The following ADAMTS2 variants were observed in gnomAD, a reference collection of about 807,000 sequenced individuals.
ADAMTS2 encodes the protein ADAM metallopeptidase with thrombospondin type 1 motif 2.
Under a neutral mutation model 123.0 loss-of-function variants are expected in ADAMTS2, and 50 were observed. The observed-to-expected ratio is 0.41, with a 90% confidence interval of 0.32 to 0.51. The LOEUF is 0.51. ADAMTS2 is among the 20% of genes least tolerant of loss of function. The probability of loss-of-function intolerance (pLI) is 0.35; values close to 1 mark genes in which losing one functional copy is unlikely to be tolerated. For missense variants in ADAMTS2, 1,494 were observed against 1,705.2 expected (o/e 0.88, Z 2.18); for synonymous variants, 678 against 695.4 (o/e 0.98, Z 0.39).
In ADAMTS2 at chr5:179,189,760, C is replaced by T. The variant is rs1764261787; in HGVS notation, c.892-8605G>A. ...CTTAAGGTAGGGGGGGACAATATTA[C>T]AAAGTATCTTCTTAAGGATGGGGGT... is the stretch of plus-strand genomic sequence containing the variant. On this transcript the variant is annotated intron_variant, in intron 4 of 21. Transcript: ENST00000251582. This position sits in a 1 kb window ranked among gnomAD's most constrained non-coding sequence, Gnocchi z 4.2. 7.0e-6 allele frequency among the ~76,000 whole-genome samples: 1 copy of T among 142,098 alleles called. No individual in the cohort carries two copies. 93.2% of individuals were successfully genotyped at this position (142,098 alleles called of 152,430 possible).
chr5:179,132,331 C>T lies in ADAMTS2; in HGVS notation c.2210-21G>A, dbSNP rs1762979348. ...GTAACCTTTTTTTGATGTGGAAAGA[C>T]ACAGAAAACTGAGAAGGGAAGGCGC... On this transcript the variant is annotated intron_variant, in intron 14 of 21. Coordinates refer to ENST00000251582, the MANE Select transcript of ADAMTS2 (RefSeq NM_014244.5). The surrounding 1 kb of genome is among the most constrained non-coding windows in gnomAD (Gnocchi z 6.1). The T allele has an allele frequency of 6.2e-7, 1 of 1,612,128 alleles. No homozygotes were observed. Among genetic ancestry groups the T allele is most frequent in the African/African-American group, 1.3e-5 (1 of 75,018 alleles).
intron 3 of ADAMTS2, among the ~76,000 whole-genome samples, chr5:179,268,669 G>A (rs1766439724): frequency 6.6e-6 from 1 of 152,216 alleles, no homozygotes; most frequent in Non-Finnish European, 1.5e-5. Context: ...GCTGAGACTG[G>A]CACTTAGACA....
At position 179,317,752 on chromosome 5, in the gene ADAMTS2, G is replaced by C. The variant is rs1051469264; in HGVS notation, c.534+26015C>G. 6.6e-6 allele frequency among the ~76,000 whole-genome samples: 1 copy of C among 152,234 alleles called. No individual in the cohort carries two copies. Among genetic ancestry groups the C allele is most frequent in the Non-Finnish European group, 1.5e-5 (1 of 68,038 alleles). On this transcript the variant is annotated intron_variant, in intron 2 of 21. Transcript: ENST00000251582. The surrounding 1 kb of genome is among the most constrained non-coding windows in gnomAD (Gnocchi z 4.9). The stretch of plus-strand genomic sequence containing the variant: ...TTCAGCACGCGTCTAGGGGAGGTTA[G>C]CGTGCCAGCACCAGCTGAGACTCCC...
chr5:179,326,201 C>CGTGCGT (rs371716178), intron 2 of ADAMTS2, among the ~76,000 whole-genome samples: 1 of 148,594 alleles, frequency 6.7e-6, no homozygotes, highest in Non-Finnish European at 1.5e-5. Flanking sequence ...TTTGTGTGTG[C>CGTGCGT]GTGTGTGTGT....
intron 2 of ADAMTS2, among the ~76,000 whole-genome samples, chr5:179,283,144 C>T (rs754833885): frequency 4.6e-5 from 7 of 151,690 alleles, no homozygotes; most frequent in East Asian, 1.9e-4. Flanking sequence ...AATCACAGGT[C>T]GAAATAGCGG....
chr5:179,158,581 C>G lies in ADAMTS2; in HGVS notation c.1132+142G>C. 9.3e-7 allele frequency: 1 copy of G among 1,077,464 alleles called. No individual in the cohort carries two copies. Among genetic ancestry groups the G allele is most frequent in the South Asian group, 1.3e-5 (1 of 76,400 alleles). The allele number at this position is 1,077,464 out of a possible 1,614,324, so 66.7% of individuals were successfully genotyped here. A position where few individuals can be genotyped will look rare whatever the true frequency, so the allele number is the denominator to read the frequency against. ...TTGTCCATCAGTGCACTGCCCCACA[C>G]CCTCACCCAGCTAAGGTGGCCACGG... On this transcript the variant is annotated intron_variant, in intron 6 of 21. Coordinates refer to ENST00000251582, the MANE Select transcript of ADAMTS2 (RefSeq NM_014244.5). The surrounding 1 kb of genome is among the most constrained non-coding windows in gnomAD (Gnocchi z 5.0).
chr5:179,313,075 A>G (rs1756875981), intron 2 of ADAMTS2, among the ~76,000 whole-genome samples: 1 of 152,218 alleles, frequency 6.6e-6, no homozygotes, highest in Non-Finnish European at 1.5e-5. Context: ...AACCCGATAC[A>G]TCAAGAAACA....
intron 10 of ADAMTS2, among the ~76,000 whole-genome samples, chr5:179,145,688 T>C (rs912861189): frequency 3.3e-5 from 5 of 152,132 alleles, no homozygotes; most frequent in Admixed American, 6.6e-5. Flanking sequence ...GATGAGTGGC[T>C]ACGAGTGGCT....
At chr5:179,203,107 G>A (rs1764604218) in intron 4 of ADAMTS2, among the ~76,000 whole-genome samples, 1 of 152,210 alleles carries the variant, frequency 6.6e-6, no homozygotes, top group Admixed American at 6.5e-5. Flanking sequence ...GCAGTGCAGG[G>A]CTGCCAGGGT....
intron 1 of ADAMTS2, among the ~76,000 whole-genome samples, chr5:179,344,983 C>T (rs1036172876): frequency 5.9e-5 from 9 of 152,228 alleles, no homozygotes; most frequent in Admixed American, 2.6e-4. Context: ...TGCTCCGAGG[C>T]TCCCCCGGCC....
At chr5:179,340,938 T>C (rs1354396333) in intron 2 of ADAMTS2, among the ~76,000 whole-genome samples, 1 of 152,222 alleles carries the variant, frequency 6.6e-6, no homozygotes, top group Non-Finnish European at 1.5e-5. Flanking sequence ...CACCACTCTG[T>C]GCAGCCTGTT....
chr5:179,305,633 G>T (rs1756646617), intron 2 of ADAMTS2, among the ~76,000 whole-genome samples: 1 of 152,064 alleles, frequency 6.6e-6, no homozygotes, highest in Non-Finnish European at 1.5e-5. Flanking sequence ...GAAATGATAA[G>T]AGTAAAAATC....
chr5:179,176,251 G>A (rs1208256157), intron 5 of ADAMTS2, among the ~76,000 whole-genome samples: 1 of 152,120 alleles, frequency 6.6e-6, no homozygotes, highest in Non-Finnish European at 1.5e-5. Context: ...CTACGGGGCC[G>A]TCACGCCCTT....
chr5:179,122,548 C>T, intron 20 of ADAMTS2, 96 bp downstream of exon 20: 3 of 1,497,670 alleles, frequency 2.0e-6, no homozygotes, highest in Non-Finnish European at 2.7e-6. Flanking sequence ...CAGCTACTCT[C>T]CGGGAAGAGC....
At chr5:179,133,169 G>A (rs1177652322) in intron 13 of ADAMTS2, among the ~76,000 whole-genome samples, 1 of 152,174 alleles carries the variant, frequency 6.6e-6, no homozygotes, top group African/African-American at 2.4e-5. Flanking sequence ...GGGCCCCTGT[G>A]CACGCGGCTG....
At position 179,126,070 on chromosome 5, in the gene ADAMTS2, C is replaced by G. The variant is rs1762851716; in HGVS notation, c.2678G>C (p.Gly893Ala). Residue 893 changes from glycine to alanine, a missense_variant, in exon 18 of 22, where the codon GGC becomes GCC. By Grantham distance (60) the Gly-to-Ala change is moderately conservative. Around this residue, in one of 6 missense-constraint regions of ADAMTS2, gnomAD observed 953 missense variants for 1,124.7 expected, o/e 0.85. Coordinates refer to ENST00000251582, the MANE Select transcript of ADAMTS2 (RefSeq NM_014244.5). ...RRLDHKMVHR[G>A]FCAALSKPKA... ...GGGCTTCGAGAGGGCGGCACAGAAG[C>G]CACGGTGTACCATCTTGTGGTCCAG... 6.2e-7 allele frequency: 1 copy of G among 1,613,220 alleles called. No individual in the cohort carries two copies. Among genetic ancestry groups the G allele is most frequent in the Non-Finnish European group, 8.5e-7 (1 of 1,180,024 alleles).
Position 179,218,279 on chromosome 5 carries a change from G to A in ADAMTS2, c.689-10564C>T, listed in dbSNP as rs57743844. On this transcript the variant is annotated intron_variant, in intron 3 of 21. Transcript: ENST00000251582. ...GGAGCCCCACCCAGGGGAGGTCAAC[G>A]GGAACAAGGTCATCCCCTCCATTTC... 1.6e-3 allele frequency among the ~76,000 whole-genome samples: 244 copies of A among 152,328 alleles called. 2 individuals are homozygous for A. The highest frequency in any genetic ancestry group is 5.0e-3 in the African/African-American group (208 of 41,580).
Position 179,137,707 on chromosome 5 carries a change from C to G in ADAMTS2, c.1951+62G>C, listed in dbSNP as rs1763089482. 2.0e-6 allele frequency: 3 copies of G among 1,495,746 alleles called. No homozygotes were observed. The South Asian group carries it at 3.6e-5, about 18-fold the overall frequency. 92.7% of individuals were successfully genotyped at this position (1,495,746 alleles called of 1,614,324 possible). A position where few individuals can be genotyped will look rare whatever the true frequency, so the allele number is the denominator to read the frequency against. On this transcript the variant is annotated intron_variant, in intron 12 of 21. Transcript: ENST00000251582. ...ATGCAGGATCAGAGGCACAAGCCCC[C>G]ACCCTGCCCACCCTAGGGCCTGCCT... is the stretch of plus-strand genomic sequence containing the variant.
chr5:179,135,021 C>A (rs1258453888), intron 13 of ADAMTS2, among the ~76,000 whole-genome samples: 2 of 131,450 alleles, frequency 1.5e-5, no homozygotes, highest in East Asian at 4.5e-4. Flanking sequence ...CCCCAGCTCC[C>A]GGCTCCAGCT....
Sources: gnomAD v4.1 joint callset for allele counts (sites outside exome capture counted in the v4.1 genomes callset) on GRCh38, gnomAD v4.1.1 for gene constraint, gnomAD v4.1.1 regional missense constraint, Gnocchi (gnomAD v3.1) non-coding constraint, MANE v1.5 for transcripts, NCBI Gene and HGNC (gene_info 2026-07-23, HGNC 2026-07-21) for gene names.